The following CNOT4 variants were observed in gnomAD, a reference collection of about 807,000 sequenced individuals.
The protein encoded by CNOT4 is CCR4-NOT transcription complex subunit 4.
In CNOT4, 8 loss-of-function variants were observed where a neutral mutation model predicts 73.8. The ratio of observed to expected loss-of-function variants is 0.11; its 90% CI spans 0.06 to 0.20. CNOT4 has a LOEUF of 0.20. CNOT4 is among the 10% of genes least tolerant of loss of function. The pLI is 1.00. For synonymous variants in CNOT4, 293 were observed against 321.1 expected, an observed-to-expected ratio of 0.91 and a Z score of 0.94; for missense variants, 564 against 883.4, an observed-to-expected ratio of 0.64 and a Z score of 4.58.
At chr7:135,448,818 A>C (rs1222018134) in intron 1 of CNOT4, among the ~76,000 whole-genome samples, 1 of 152,192 alleles carries the variant, frequency 6.6e-6, no homozygotes, top group Non-Finnish European at 1.5e-5. Context: ...AGAAAAAATC[A>C]CTAGAGGAGC....
chr7:135,505,085 T>A (rs1179489268), intron 1 of CNOT4, among the ~76,000 whole-genome samples: 1 of 152,194 alleles, frequency 6.6e-6, no homozygotes, highest in Non-Finnish European at 1.5e-5. Context: ...ACTCAAGAGG[T>A]GAGATTTTAG....
intron 1 of CNOT4, among the ~76,000 whole-genome samples, chr7:135,458,921 C>A (rs115894048): frequency 0.02 from 3,044 of 152,146 alleles, 109 homozygotes; most frequent in African/African-American, 0.07. Context: ...CTCCTCCCAT[C>A]AATCAGGGAT....
At chr7:135,483,331 T>C (rs1047275501) in intron 1 of CNOT4, among the ~76,000 whole-genome samples, 18 of 149,878 alleles carry the variant, frequency 1.2e-4, no homozygotes, top group Non-Finnish European at 1.8e-4. Context: ...GTTTAAGACT[T>C]TGTCTCAAAA....
At chr7:135,367,614 T>C (rs1794986773) in intron 10 of CNOT4, among the ~76,000 whole-genome samples, 1 of 152,206 alleles carries the variant, frequency 6.6e-6, no homozygotes, top group Non-Finnish European at 1.5e-5. Context: ...TAGTAAATTT[T>C]CCAAAAAGCT....
intron 1 of CNOT4, among the ~76,000 whole-genome samples, chr7:135,459,360 C>T (rs1428671357): frequency 2.0e-5 from 3 of 152,156 alleles, no homozygotes; most frequent in Admixed American, 6.5e-5. Flanking sequence ...ACGCAGTTTA[C>T]CAACCTCTGC....
chr7:135,374,012 C>T (rs550142725), intron 10 of CNOT4, among the ~76,000 whole-genome samples: 5 of 152,280 alleles, frequency 3.3e-5, no homozygotes, highest in Admixed American at 6.5e-5. Flanking sequence ...GGAAATAATG[C>T]GTAGCATTTT....
rs1794682836 is a variant in CNOT4 at position 135,362,239 on chromosome 7, T to TCTTCATTATATATATA, written c.*645_*646insTATATATATAATGAAG. 6.5e-6 allele frequency: 1 copy of TCTTCATTATATATATA among 153,450 alleles called. No homozygotes were observed. The highest frequency in any genetic ancestry group is 1.5e-5 in the Non-Finnish European group (1 of 68,922). The allele number at this position is 153,450 out of a possible 1,614,324, so 9.5% of individuals were successfully genotyped here. On this transcript the variant is annotated 3_prime_UTR_variant, in exon 12 of 12. Coordinates refer to ENST00000541284, the MANE Select transcript of CNOT4 (RefSeq NM_001190850.2). Reference sequence around the variant, plus strand: ...TTAAAAAAATTACTTCTCACCTCCTTATGAACTCTTTAGCAATCGGCCAGT... The same window carrying TCTTCATTATATATATA: ...TTAAAAAAATTACTTCTCACCTCCTTCTTCATTATATATATAATGAACTCTTTAGCAATCGGCCAGT...
intron 7 of CNOT4, among the ~76,000 whole-genome samples, chr7:135,405,399 G>A (rs973355040): frequency 1.3e-5 from 2 of 152,144 alleles, no homozygotes; most frequent in Non-Finnish European, 2.9e-5. Flanking sequence ...CCTGCTCACT[G>A]TCTTGGGCAC....
In CNOT4 at chr7:135,362,815, G is replaced by C. The variant is rs1234789249; in HGVS notation, c.*70C>G. 1 of 1,344,292 alleles carries C rather than the reference G, an allele frequency of 7.4e-7. No individual in the cohort carries two copies. The highest frequency in any genetic ancestry group is 1.2e-5 in the South Asian group (1 of 85,706). 83.3% of individuals were successfully genotyped at this position (1,344,292 alleles called of 1,614,324 possible). A position where few individuals can be genotyped will look rare whatever the true frequency, so the allele number is the denominator to read the frequency against. ...CATAAGAGATGAGAAGGGAGCTGTG[G>C]GTGGTGGGCTGAGAGGGAGAAAACA... On this transcript the variant is annotated 3_prime_UTR_variant, in exon 12 of 12. Transcript: ENST00000541284.
At chr7:135,447,851 C>T (rs1394803478) in intron 1 of CNOT4, among the ~76,000 whole-genome samples, 1 of 152,172 alleles carries the variant, frequency 6.6e-6, no homozygotes, top group Non-Finnish European at 1.5e-5. Context: ...CATGCAGTGA[C>T]CTCGAGAGTC....
chr7:135,396,106 CCTTTT>C (rs1303240935), intron 8 of CNOT4, among the ~76,000 whole-genome samples: 2 of 116,008 alleles, frequency 1.7e-5, no homozygotes, highest in African/African-American at 3.3e-5. Flanking sequence ...AACTAGTCTC[CCTTTT>C]TTTTTTTTTT....
intron 1 of CNOT4, among the ~76,000 whole-genome samples, chr7:135,444,286 TGAAAGGACTTGAACAG>T (rs1346841217): frequency 5.9e-5 from 9 of 152,096 alleles, no homozygotes; most frequent in Non-Finnish European, 1.2e-4. Flanking sequence ...TTCAAAGAAC[TGAAAGGACTTGAACAG>T]ATACTTGTGC....
chr7:135,456,075 A>G (rs1414512343), intron 1 of CNOT4, among the ~76,000 whole-genome samples: 2 of 152,310 alleles, frequency 1.3e-5, no homozygotes, highest in African/African-American at 4.8e-5. Flanking sequence ...TAAACAGTAA[A>G]TATCTTATGC....
At chr7:135,419,888 C>A (rs2718164) in intron 3 of CNOT4, among the ~76,000 whole-genome samples, 1,902 of 134,424 alleles carry the variant, frequency 0.014, 37 homozygotes, top group African/African-American at 0.048. Flanking sequence ...ACTAAAAATC[C>A]AAAAAAAAAA....
In CNOT4 at chr7:135,459,799, G is replaced by A. The variant is rs151060298; in HGVS notation, c.-92-21376C>T. ...CTATCCTTTGAAGCTTTGAAGCCTT[G>A]AAGCCAGGCACTGACTTCTCCTTTC... On this transcript the variant is annotated intron_variant, in intron 1 of 11. Coordinates refer to ENST00000541284, the MANE Select transcript of CNOT4 (RefSeq NM_001190850.2). Among the ~76,000 whole-genome samples the A allele has an allele frequency of 8.7e-3, 1,321 of 152,296 alleles. 8 individuals are homozygous for A. Among genetic ancestry groups the A allele is most frequent in the Middle Eastern group, 0.027 (8 of 294 alleles).
chr7:135,486,194 G>A (rs769858322), intron 1 of CNOT4, among the ~76,000 whole-genome samples: 2 of 151,690 alleles, frequency 1.3e-5, no homozygotes, highest in Non-Finnish European at 2.9e-5. Context: ...AAAGTCTCAA[G>A]AGATTAAAAA....
At position 135,363,595 on chromosome 7, in the gene CNOT4, A is replaced by G. The variant is rs1446953729; in HGVS notation, c.1840+259T>C. ...GATCCTTTTGTACTTTGAGGCCTAC[A>G]AAATACACATGTTGCCAGATGTTAA... On this transcript the variant is annotated intron_variant, in intron 11 of 11. Transcript: ENST00000541284. The surrounding 1 kb of genome is among the most constrained non-coding windows in gnomAD (Gnocchi z 4.3). Among the ~76,000 whole-genome samples the G allele has an allele frequency of 6.6e-6, 1 of 152,234 alleles. No homozygotes were observed. Among genetic ancestry groups the G allele is most frequent in the Non-Finnish European group, 1.5e-5 (1 of 68,046 alleles).
At chr7:135,469,184 T>C (rs1801415941) in intron 1 of CNOT4, among the ~76,000 whole-genome samples, 1 of 152,096 alleles carries the variant, frequency 6.6e-6, no homozygotes, top group Admixed American at 6.6e-5. Context: ...ATTCAACAAA[T>C]TATTTATTGA....
intron 2 of CNOT4, among the ~76,000 whole-genome samples, chr7:135,430,607 T>C (rs1798769669): frequency 6.6e-6 from 1 of 152,104 alleles, no homozygotes; most frequent in African/African-American, 2.4e-5. Flanking sequence ...ATGAGGCCAC[T>C]GTACTCCACC....
Sources: gnomAD v4.1 joint callset for allele counts (sites outside exome capture counted in the v4.1 genomes callset) on GRCh38, gnomAD v4.1.1 for gene constraint, Gnocchi (gnomAD v3.1) non-coding constraint, MANE v1.5 for transcripts, NCBI Gene and HGNC (gene_info 2026-07-23, HGNC 2026-07-21) for gene names.